RHCE: variants seen among roughly 807,000 people sequenced by gnomAD.
RHCE encodes Rh blood group CcEe antigens, also known as blood group Rh(CE) polypeptide.
In RHCE, 22 loss-of-function variants were observed where a neutral mutation model predicts 43.8. The observed-to-expected ratio is 0.50, with a 90% CI of 0.36 to 0.72. The LOEUF (loss-of-function observed/expected upper bound fraction) is 0.72. RHCE is among the 30% of genes least tolerant of loss of function. The pLI is 0.00. For synonymous variants in RHCE, 156 were observed against 210.7 expected (o/e 0.74, Z 2.25); for missense variants, 385 against 525.4 (o/e 0.73, Z 2.61).
At chr1:25,411,397 C>T (rs1189010394) in intron 1 of RHCE, 3 of 1,550,414 alleles carry the variant, frequency 1.9e-6, no homozygotes, top group African/African-American at 2.7e-5. Context: ...ATTACTGGAA[C>T]TCTCCAAAGT....
chr1:25,412,715 T>C (rs2982334), intron 1 of RHCE, among the ~76,000 whole-genome samples: 2 of 116,578 alleles, frequency 1.7e-5, no homozygotes, highest in African/African-American at 3.2e-5. Context: ...ACCCTTTTTT[T>C]AAAAAAAAAA....
At chr1:25,371,469 C>G (rs1645609650) in intron 8 of RHCE, among the ~76,000 whole-genome samples, 1 of 151,484 alleles carries the variant, frequency 6.6e-6, no homozygotes, top group Non-Finnish European at 1.5e-5. Context: ...CTCCCAGGCA[C>G]AAGCAACCCC....
chr1:25,392,569 T>C (rs971462061), intron 3 of RHCE, among the ~76,000 whole-genome samples: 1 of 134,140 alleles, frequency 7.5e-6, no homozygotes, highest in East Asian at 2.2e-4. Context: ...CCTCTTTTTT[T>C]TTTTTTTTTT....
intron 7 of RHCE, among the ~76,000 whole-genome samples, chr1:25,382,846 G>A (rs1646041459): frequency 6.6e-6 from 1 of 152,076 alleles, no homozygotes; most frequent in African/African-American, 2.4e-5. Context: ...TAGCCATACT[G>A]GCATTCCAGA....
intron 3 of RHCE, among the ~76,000 whole-genome samples, chr1:25,394,218 A>G (rs1646471365): frequency 6.6e-6 from 1 of 151,378 alleles, no homozygotes. Flanking sequence ...CGAACTCCTG[A>G]CCTCAAGTGA....
Position 25,370,505 on chromosome 1 carries a change from G to T in RHCE, c.1189C>A (p.His397Asn), listed in dbSNP as rs1224243927. 2 of 1,612,638 alleles carry T rather than the reference G, an allele frequency of 1.2e-6. No individual in the cohort carries two copies. The highest frequency in any genetic ancestry group is 1.7e-6 in the Non-Finnish European group (2 of 1,179,350). ...LLNLKIWKAP[H>N]VAKYFDDQVF... ...TGGTCATCAAAATATTTAGCCACAT[G>T]AGGTGCTTTCCATATTTTGAGATTT... The change falls in exon 9 of 10, where the codon CAT becomes AAT. Residue 397 changes from histidine to asparagine, a missense_variant. By Grantham distance (68) the His-to-Asn change is moderately conservative (BLOSUM62 1). Transcript: ENST00000294413.
intron 7 of RHCE, among the ~76,000 whole-genome samples, chr1:25,380,058 G>C (rs1199265240): frequency 1.4e-5 from 2 of 146,886 alleles, no homozygotes; most frequent in African/African-American, 5.1e-5. Context: ...ATGTGGGTGA[G>C]ACTTAAGGTA....
Position 25,396,844 on chromosome 1 carries a change from T to C in RHCE, c.487-4703A>G, listed in dbSNP as rs567960638. The stretch of plus-strand genomic sequence containing the variant: ...AAATATACACTGAGGCCGGTTATGG[T>C]GGCCCACGCCTGTAATCTCAGCAAT... On this transcript the variant is annotated intron_variant, in intron 3 of 9. Transcript: ENST00000294413. Among the ~76,000 whole-genome samples the C allele has an allele frequency of 8.5e-5, 13 of 152,076 alleles. No homozygotes were observed. The South Asian group carries it at 1.0e-3, about 12-fold the overall frequency.
At chr1:25,405,118 G>A (rs376989595) in intron 2 of RHCE, among the ~76,000 whole-genome samples, 3,780 of 151,766 alleles carry the variant, frequency 0.025, 68 homozygotes, top group African/African-American at 0.04. Flanking sequence ...AGTACTTTTC[G>A]GAGCCGAGGT....
chr1:25,386,436 G>C (rs1186437628), intron 6 of RHCE, among the ~76,000 whole-genome samples: 3 of 152,172 alleles, frequency 2.0e-5, no homozygotes, highest in Admixed American at 6.5e-5. Flanking sequence ...CCATCACTCA[G>C]CCTCCCACAC....
At chr1:25,381,374 G>C (rs1165814343) in intron 7 of RHCE, among the ~76,000 whole-genome samples, 5 of 151,880 alleles carry the variant, frequency 3.3e-5, no homozygotes, top group Non-Finnish European at 5.9e-5. Context: ...AGAAGTTCCA[G>C]ACTTTCCCTA....
chr1:25,388,044 C>G (rs1429641575), intron 6 of RHCE, among the ~76,000 whole-genome samples: 1 of 151,814 alleles, frequency 6.6e-6, no homozygotes, highest in Non-Finnish European at 1.5e-5. Context: ...GTCTTGAACT[C>G]CTGACCTCAG....
chr1:25,379,495 ATTTTTTTTTT>A (rs770791604), intron 7 of RHCE, among the ~76,000 whole-genome samples: 343 of 26,820 alleles, frequency 0.013, 11 homozygotes, highest in African/African-American at 0.048. Context: ...ATATATATAT[ATTTTTTTTTT>A]TTTTTTTTTT....
intron 1 of RHCE, chr1:25,411,255 T>G (rs942713625): frequency 1.3e-6 from 2 of 1,512,558 alleles, no homozygotes; most frequent in African/African-American, 2.8e-5. Context: ...TAATGTTTAG[T>G]ACAGTGCCTA....
chr1:25,371,863 T>C (rs599691), intron 8 of RHCE, among the ~76,000 whole-genome samples: 90,775 of 150,972 alleles, frequency 0.6, 29,334 homozygotes, highest in African/African-American at 0.82. Flanking sequence ...CAAGAATGGG[T>C]GAGTGCTTAG....
intron 7 of RHCE, among the ~76,000 whole-genome samples, chr1:25,383,747 T>C (rs1285748836): frequency 6.6e-6 from 1 of 151,950 alleles, no homozygotes; most frequent in African/African-American, 2.4e-5. Flanking sequence ...CTGATGAGAG[T>C]TGACTTGCAG....
upstream of RHCE, among the ~76,000 whole-genome samples, chr1:25,425,740 T>A (rs1406657183): frequency 6.6e-6 from 1 of 152,176 alleles, no homozygotes; most frequent in Non-Finnish European, 1.5e-5. Context: ...TAATCATGAC[T>A]TTTCTGTAAA....
Position 25,379,471 on chromosome 1 carries a change from ATATATATATATATATATATATATATTTT to A in RHCE, c.1074-4071_1074-4044del, listed in dbSNP as rs1243259309. On this transcript the variant is annotated intron_variant, in intron 7 of 9. Transcript: ENST00000294413. ...CCAAAGTATATATATATATATATAT[ATATATATATATATATATATATATATTTT>A]TTTTTTTTTTTTTTTTTTTTTTAAA... Among the ~76,000 whole-genome samples the A allele has an allele frequency of 2.0e-4, 2 of 9,898 alleles. 1 individual carries two copies. The allele number at this position is 9,898 out of a possible 152,430, so 6.5% of individuals were successfully genotyped here. A position where few individuals can be genotyped will look rare whatever the true frequency, so the allele number is the denominator to read the frequency against.
chr1:25,362,780 G>A (rs544317937), intron 9 of RHCE, among the ~76,000 whole-genome samples: 34 of 18,872 alleles, frequency 1.8e-3, no homozygotes, highest in African/African-American at 5.9e-3. Context: ...CAAAGACAGA[G>A]GACTCACTAC....
Sources: allele counts gnomAD v4.1 joint callset (sites outside exome capture counted in the v4.1 genomes callset), GRCh38; gene constraint gnomAD v4.1.1; transcripts MANE v1.5; gene names NCBI Gene and HGNC (gene_info 2026-07-23, HGNC 2026-07-21).